TRPM3: variants seen among roughly 807,000 people sequenced by gnomAD.
The protein encoded by TRPM3 is transient receptor potential cation channel subfamily M member 3, also known as long transient receptor potential channel 3.
Under a neutral mutation model 181.2 loss-of-function variants are expected in TRPM3, and 77 were observed. The observed-to-expected ratio is 0.42, with a 90% CI of 0.35 to 0.51. The LOEUF (loss-of-function observed/expected upper bound fraction) is 0.51. TRPM3 is among the 20% of genes least tolerant of loss of function. The probability of loss-of-function intolerance (pLI) is 0.01; values close to 1 mark genes in which losing one functional copy is unlikely to be tolerated. For missense variants in TRPM3, 1,759 were observed against 2,196.7 expected, an observed-to-expected ratio of 0.80 and a Z score of 3.98; for synonymous variants, 745 against 796.4, an observed-to-expected ratio of 0.94 and a Z score of 1.09.
chr9:71,267,549 G>T (rs2083472167), intron 1 of TRPM3, among the ~76,000 whole-genome samples: 1 of 147,202 alleles, frequency 6.8e-6, no homozygotes, highest in South Asian at 2.2e-4. Context: ...AAGGCACAAG[G>T]AGGCTATTTA....
intron 1 of TRPM3, among the ~76,000 whole-genome samples, chr9:71,004,047 AC>A (rs2097647292): frequency 2.0e-5 from 3 of 152,196 alleles, no homozygotes; most frequent in Admixed American, 1.3e-4. Context: ...TCCCACAAGA[AC>A]CACTGGGAGT....
At chr9:70,792,498 G>A (rs13293072) in intron 6 of TRPM3, among the ~76,000 whole-genome samples, 11,490 of 151,072 alleles carry the variant, frequency 0.076, 462 homozygotes, top group Non-Finnish European at 0.096. Flanking sequence ...TGAAAGAGAG[G>A]GAAAAAGAGG....
At chr9:71,324,483 T>G (rs1364022744) in intron 1 of TRPM3, among the ~76,000 whole-genome samples, 1 of 151,716 alleles carries the variant, frequency 6.6e-6, no homozygotes, top group South Asian at 2.1e-4. Context: ...TTGATAAGGA[T>G]GCAGAGAAAA....
chr9:70,627,265 CTTTTTTTT>C (rs1175860330), intron 12 of TRPM3, among the ~76,000 whole-genome samples: 15 of 79,544 alleles, frequency 1.9e-4, no homozygotes, highest in Non-Finnish European at 2.1e-4. Context: ...TCCATTGCTG[CTTTTTTTT>C]TTTTTTTTTT....
intron 1 of TRPM3, among the ~76,000 whole-genome samples, chr9:71,107,071 T>C (rs1251602451): frequency 1.3e-5 from 2 of 152,142 alleles, no homozygotes; most frequent in Non-Finnish European, 2.9e-5. Context: ...GCACTTCAAC[T>C]TGAGCAATGT....
At chr9:71,030,490 G>A (rs575782266) in intron 1 of TRPM3, among the ~76,000 whole-genome samples, 6 of 151,752 alleles carry the variant, frequency 4.0e-5, no homozygotes, top group East Asian at 3.9e-4. Flanking sequence ...GCTTGAACCC[G>A]GGAGGCAGAG....
chr9:71,419,663 A>G (rs2093695901), intron 1 of TRPM3, among the ~76,000 whole-genome samples: 1 of 152,036 alleles, frequency 6.6e-6, no homozygotes, highest in Admixed American at 6.6e-5. Context: ...TTCTGATACA[A>G]TAATGTGAAT....
At chr9:70,549,455 T>G in intron 25 of TRPM3, 87 bp downstream of exon 25, 9 of 1,464,644 alleles carry the variant, frequency 6.1e-6, no homozygotes, top group Non-Finnish European at 8.2e-6. Context: ...AAAAGATCTC[T>G]GTTTTGTGAC....
chr9:71,011,750 C>G (rs1446152386), intron 1 of TRPM3, among the ~76,000 whole-genome samples: 3 of 146,194 alleles, frequency 2.1e-5, no homozygotes, highest in African/African-American at 7.5e-5. Context: ...ATATAGGGGT[C>G]ATACAGGAAT....
chr9:71,133,883 T>C (rs2074542069), intron 1 of TRPM3, among the ~76,000 whole-genome samples: 1 of 152,226 alleles, frequency 6.6e-6, no homozygotes, highest in Non-Finnish European at 1.5e-5. Context: ...AAGTGTTCTA[T>C]GGTTAGTAAG....
chr9:70,535,684 C>T lies in TRPM3; in HGVS notation c.*269G>A, dbSNP rs1446141582. The T allele has an allele frequency of 7.0e-7, 1 of 1,437,656 alleles. No homozygotes were observed. Among genetic ancestry groups the T allele is most frequent in the Non-Finnish European group, 9.1e-7 (1 of 1,103,456 alleles). The allele number at this position is 1,437,656 out of a possible 1,614,324, so 89.1% of individuals were successfully genotyped here. ...GCTGTGACTGCGGATACACATTCAT[C>T]TCTAACCCTTCCTTCTCCCTCTCTT... is the stretch of plus-strand genomic sequence containing the variant. On this transcript the variant is annotated 3_prime_UTR_variant, in exon 26 of 26. Coordinates refer to ENST00000677713, the MANE Select transcript of TRPM3 (RefSeq NM_001366145.2).
At chr9:71,155,855 T>G (rs144754090) in intron 1 of TRPM3, among the ~76,000 whole-genome samples, 1 of 152,102 alleles carries the variant, frequency 6.6e-6, no homozygotes. Flanking sequence ...GAGACACTCA[T>G]AGACTGTCAC....
chr9:71,149,490 C>G (rs1237487483), intron 1 of TRPM3, among the ~76,000 whole-genome samples: 1 of 152,016 alleles, frequency 6.6e-6, no homozygotes, highest in Non-Finnish European at 1.5e-5. Context: ...TATGGAATGT[C>G]TGCAAAAAAA....
intron 1 of TRPM3, among the ~76,000 whole-genome samples, chr9:71,198,062 A>G (rs945327325): frequency 9.4e-5 from 14 of 149,002 alleles, no homozygotes; most frequent in African/African-American, 3.2e-4. Context: ...GGTGTAAGGA[A>G]GGGATCCAGT....
chr9:71,086,725 G>C (rs2065326025), intron 1 of TRPM3, among the ~76,000 whole-genome samples: 1 of 151,956 alleles, frequency 6.6e-6, no homozygotes, highest in Admixed American at 6.6e-5. Context: ...CTCTGCCTAA[G>C]GAAAGAATCT....
chr9:70,810,421 T>C (rs1236895038), intron 6 of TRPM3, among the ~76,000 whole-genome samples: 1 of 151,338 alleles, frequency 6.6e-6, no homozygotes, highest in Non-Finnish European at 1.5e-5. Flanking sequence ...CCCTGTTCTA[T>C]GGGTACATGA....
chr9:70,674,847 T>A (rs1476866257), intron 9 of TRPM3, among the ~76,000 whole-genome samples: 1 of 150,830 alleles, frequency 6.6e-6, no homozygotes, highest in African/African-American at 2.4e-5. Flanking sequence ...ATTACATGCA[T>A]GAGCCATTGC....
In TRPM3 at chr9:70,537,333, G is replaced by T; in HGVS notation, c.3780C>A (p.Thr1260=). Residue 1260 remains threonine (T), a synonymous_variant, in exon 26 of 26, where the codon ACC becomes ACA. Transcript: ENST00000677713. ...REHSMKASLQ[T]VDIRLAQLED... is the part of the protein sequence containing the mutation. The stretch of plus-strand genomic sequence containing the variant: ...CCAGCTGCGCCAGCCGGATGTCCAC[G>T]GTCTGGAGTGAAGCCTTCATGGAGT... 6.6e-7 allele frequency: 1 copy of T among 1,518,438 alleles called. No homozygotes were observed. Among genetic ancestry groups the T allele is most frequent in the Non-Finnish European group, 8.8e-7 (1 of 1,131,508 alleles). 94.1% of individuals were successfully genotyped at this position (1,518,438 alleles called of 1,614,324 possible). A position where few individuals can be genotyped will look rare whatever the true frequency, so the allele number is the denominator to read the frequency against.
At chr9:71,341,363 C>A (rs919986187) in intron 1 of TRPM3, among the ~76,000 whole-genome samples, 6 of 152,068 alleles carry the variant, frequency 3.9e-5, no homozygotes, top group African/African-American at 1.2e-4. Flanking sequence ...CCACCTTAAC[C>A]AAATGATCAA....
Sources: gnomAD v4.1 joint callset for allele counts (sites outside exome capture counted in the v4.1 genomes callset) on GRCh38, gnomAD v4.1.1 for gene constraint, MANE v1.5 for transcripts, NCBI Gene and HGNC (gene_info 2026-07-23, HGNC 2026-07-21) for gene names.